DHRS7: variants seen among roughly 807,000 people sequenced by gnomAD.
DHRS7 encodes dehydrogenase/reductase 7.
DHRS7 carries 34 observed loss-of-function variants against 38.9 expected under a neutral mutation model. The ratio of observed to expected loss-of-function variants is 0.87; its 90% confidence interval spans 0.66 to 1.16. The LOEUF (loss-of-function observed/expected upper bound fraction) is 1.16, where lower values mean the gene tolerates loss of function less well. DHRS7 is among the 50% of genes most tolerant of loss of function. The probability of loss-of-function intolerance (pLI) is 0.00; values close to 1 mark genes in which losing one functional copy is unlikely to be tolerated. For missense variants in DHRS7, 421 were observed against 407.0 expected, an observed-to-expected ratio of 1.03 and a Z score of -0.30; for synonymous variants, 158 against 153.1, an observed-to-expected ratio of 1.03 and a Z score of -0.24.
chr14:60,159,315 A>T, intron 1 of DHRS7: 1 of 435,854 alleles, frequency 2.3e-6, no homozygotes. Context: ...TGACACAAAA[A>T]GCAAAAGAAA....
intron 1 of DHRS7, among the ~76,000 whole-genome samples, chr14:60,156,910 A>G (rs1375951849): frequency 6.6e-6 from 1 of 152,234 alleles, no homozygotes; most frequent in East Asian, 1.9e-4. Context: ...GTACTAAAGC[A>G]ATGACAAATG....
At chr14:60,165,927 C>T (rs1896861534), upstream of DHRS7, among the ~76,000 whole-genome samples, 1 of 152,200 alleles carries the variant, frequency 6.6e-6, no homozygotes. The surrounding 1 kb of genome is among the most constrained non-coding windows in gnomAD (Gnocchi z 4.6). Flanking sequence ...AGACTGAAGC[C>T]ATGTGCTGTG....
rs1369516750 is a variant in DHRS7, at chr14:60,148,438, A to G, written c.972+915T>C. Among the ~76,000 whole-genome samples the G allele has an allele frequency of 6.6e-6, 1 of 152,150 alleles. No individual in the cohort carries two copies. Among genetic ancestry groups the G allele is most frequent in the Non-Finnish European group, 1.5e-5 (1 of 68,018 alleles). Reference sequence around the variant, plus strand: ...CATTACATTTCCTGTACTGTCTATAAATTAAATTCTTTTGAGGGTCACAAT... The same window carrying G: ...CATTACATTTCCTGTACTGTCTATAGATTAAATTCTTTTGAGGGTCACAAT... On this transcript the variant is annotated intron_variant, in intron 6 of 6. Transcript: ENST00000557185. The surrounding 1 kb of genome is among the most constrained non-coding windows in gnomAD (Gnocchi z 4.8).
rs192545070 is a variant in DHRS7 at position 60,145,296 on chromosome 14, A to C, written c.973-283T>G. 2.3e-4 allele frequency: 58 copies of C among 248,944 alleles called. No individual in the cohort carries two copies. The East Asian group carries it at 4.6e-3, about 20-fold the overall frequency. 15.4% of individuals were successfully genotyped at this position (248,944 alleles called of 1,614,324 possible). Reference sequence around the variant, plus strand: ...TTCTCTATAATGACTTTTCTGGATCAGCATATCATACCTACACTGACTTGC... The same window carrying C: ...TTCTCTATAATGACTTTTCTGGATCCGCATATCATACCTACACTGACTTGC... On this transcript the variant is annotated intron_variant, in intron 6 of 6. Coordinates refer to ENST00000557185, the MANE Select transcript of DHRS7 (RefSeq NM_016029.4). This position sits in a 1 kb window ranked among gnomAD's most constrained non-coding sequence, Gnocchi z 4.0.
chr14:60,156,610 T>C (rs1393388778), intron 1 of DHRS7, among the ~76,000 whole-genome samples: 1 of 152,264 alleles, frequency 6.6e-6, no homozygotes, highest in Non-Finnish European at 1.5e-5. Context: ...TTTTTAATTC[T>C]ATTATTCTAA....
In DHRS7 at chr14:60,165,132, C is replaced by G; in HGVS notation, c.133+45G>C. 6.2e-7 allele frequency: 1 copy of G among 1,604,922 alleles called. No individual in the cohort carries two copies. Among genetic ancestry groups the G allele is most frequent in the Non-Finnish European group, 8.5e-7 (1 of 1,176,872 alleles). On this transcript the variant is annotated intron_variant, in intron 1 of 6. Coordinates refer to ENST00000557185, the MANE Select transcript of DHRS7 (RefSeq NM_016029.4). This position sits in a 1 kb window ranked among gnomAD's most constrained non-coding sequence, Gnocchi z 4.6. ...GAGACCCGGACACGCCTCGGCAGCT[C>G]CGAGCCCGGCCTCCCACTCGGGAGA...
intron 1 of DHRS7, among the ~76,000 whole-genome samples, chr14:60,164,165 A>T (rs1339384656): frequency 2.0e-5 from 3 of 148,732 alleles, no homozygotes; most frequent in Admixed American, 6.7e-5. Flanking sequence ...GGCACAAACC[A>T]CTGTATTACC....
intron 1 of DHRS7, among the ~76,000 whole-genome samples, chr14:60,157,584 G>A (rs1896683195): frequency 6.6e-6 from 1 of 152,128 alleles, no homozygotes; most frequent in Non-Finnish European, 1.5e-5. Context: ...TGTATGGAAA[G>A]GTATTATTAT....
In DHRS7 at chr14:60,162,939, C is replaced by T. The variant is rs961394485; in HGVS notation, c.133+2238G>A. 3.3e-5 allele frequency among the ~76,000 whole-genome samples: 5 copies of T among 152,178 alleles called. No individual in the cohort carries two copies. The highest frequency in any genetic ancestry group is 2.1e-4 in the South Asian group (1 of 4,824). Reference sequence around the variant, plus strand: ...AATCCCAACACTTTGGGAGGCAGAGCGGGGTGGATCACCTGAGGTCAGGGG... The same window carrying T: ...AATCCCAACACTTTGGGAGGCAGAGTGGGGTGGATCACCTGAGGTCAGGGG... On this transcript the variant is annotated intron_variant, in intron 1 of 6. Coordinates refer to ENST00000557185, the MANE Select transcript of DHRS7 (RefSeq NM_016029.4). The surrounding 1 kb of genome is among the most constrained non-coding windows in gnomAD (Gnocchi z 4.5).
rs424062 is a variant in DHRS7, at chr14:60,150,195, A to C, written c.634-8T>G. The C allele has an allele frequency of 1.6e-6, 2 of 1,268,084 alleles. No individual in the cohort carries two copies. Among genetic ancestry groups the C allele is most frequent in the Admixed American group, 3.2e-5 (1 of 31,274 alleles). The allele number at this position is 1,268,084 out of a possible 1,614,324, so 78.6% of individuals were successfully genotyped here. On this transcript the variant is annotated splice_region_variant and splice_polypyrimidine_tract_variant and intron_variant, in intron 4 of 6. Transcript: ENST00000557185. ...AAGGCCATTAAAAAAACCCTAACAG[A>C]CAAAAAAAAAAAAAAAGGAAAAAGG... is the stretch of plus-strand genomic sequence containing the variant.
intron 1 of DHRS7, among the ~76,000 whole-genome samples, chr14:60,158,711 G>A (rs1396504664): frequency 1.3e-5 from 2 of 152,164 alleles, no homozygotes; most frequent in Non-Finnish European, 2.9e-5. Context: ...ATTCTTAAGA[G>A]TTGAAAGGAA....
upstream of DHRS7, among the ~76,000 whole-genome samples, chr14:60,165,928 A>G (rs1264577189): frequency 6.6e-6 from 1 of 152,250 alleles, no homozygotes; most frequent in Non-Finnish European, 1.5e-5. This position sits in a 1 kb window ranked among gnomAD's most constrained non-coding sequence, Gnocchi z 4.6. Flanking sequence ...GACTGAAGCC[A>G]TGTGCTGTGT....
In DHRS7 at chr14:60,150,198, A is replaced by C. The variant is rs74332161; in HGVS notation, c.634-11T>G. 7 of 836,994 alleles carry C rather than the reference A, an allele frequency of 8.4e-6. No individual in the cohort carries two copies. Among genetic ancestry groups the C allele is most frequent in the Non-Finnish European group, 1.0e-5 (6 of 597,162 alleles). 51.8% of individuals were successfully genotyped at this position (836,994 alleles called of 1,614,324 possible). A position where few individuals can be genotyped will look rare whatever the true frequency, so the allele number is the denominator to read the frequency against. On this transcript the variant is annotated splice_polypyrimidine_tract_variant and intron_variant, in intron 4 of 6. Transcript: ENST00000557185. ...GCCATTAAAAAAACCCTAACAGACA[A>C]AAAAAAAAAAAAAGGAAAAAGGCAA... is the stretch of plus-strand genomic sequence containing the variant.
chr14:60,166,349 A>G (rs1399814279), upstream of DHRS7: 3 of 867,552 alleles, frequency 3.5e-6, no homozygotes, highest in Non-Finnish European at 2.8e-6. Context: ...CCAAATGGAG[A>G]AAGTTCTGGG....
chr14:60,169,524 G>T (rs1896907647), upstream of DHRS7, among the ~76,000 whole-genome samples: 1 of 152,136 alleles, frequency 6.6e-6, no homozygotes, highest in African/African-American at 2.4e-5. Flanking sequence ...CATATTTAAG[G>T]TATACAACTT....
At position 60,144,901 on chromosome 14, in the gene DHRS7, G is replaced by T. The variant is rs1195969270; in HGVS notation, c.*65C>A. 2 of 1,309,396 alleles carry T rather than the reference G, an allele frequency of 1.5e-6. No individual in the cohort carries two copies. The highest frequency in any genetic ancestry group is 4.6e-5 in the East Asian group (2 of 43,080). The allele number at this position is 1,309,396 out of a possible 1,614,324, so 81.1% of individuals were successfully genotyped here. On this transcript the variant is annotated 3_prime_UTR_variant, in exon 7 of 7. Transcript: ENST00000557185. ...AGTCTTTGATTATTCAGAAGCATAA[G>T]AAGATTGCTGTTTTCATGTTTTCCA...
In DHRS7 at chr14:60,153,702, C is replaced by CATAA. The variant is rs61442682; in HGVS notation, c.393+253_393+256dup. Reference sequence around the variant, plus strand: ...CAGAGCAAGACTTTGTCTCAAAATACATAAATAAATAAATAAAAGCAGCCG... The same window carrying CATAA: ...CAGAGCAAGACTTTGTCTCAAAATACATAAATAAATAAATAAATAAAAGCAGCCG... On this transcript the variant is annotated intron_variant, in intron 3 of 6. Transcript: ENST00000557185. This position sits in a 1 kb window ranked among gnomAD's most constrained non-coding sequence, Gnocchi z 4.4. 1.1e-4 allele frequency among the ~76,000 whole-genome samples: 16 copies of CATAA among 151,524 alleles called. No individual in the cohort carries two copies. Among genetic ancestry groups the CATAA allele is most frequent in the Middle Eastern group, 3.4e-3 (1 of 292 alleles).
chr14:60,160,259 G>T (rs772905641), intron 1 of DHRS7, among the ~76,000 whole-genome samples: 1 of 151,750 alleles, frequency 6.6e-6, no homozygotes, highest in Non-Finnish European at 1.5e-5. Context: ...CCTCTAGGAG[G>T]TGGGGTTTGC....
chr14:60,152,184 C>T (rs759945675), intron 4 of DHRS7, among the ~76,000 whole-genome samples: 5 of 152,224 alleles, frequency 3.3e-5, no homozygotes, highest in Non-Finnish European at 5.9e-5. Flanking sequence ...ACTTCAACAG[C>T]TTTAAATATA....
Sources: gnomAD v4.1 joint callset for allele counts (sites outside exome capture counted in the v4.1 genomes callset) on GRCh38, gnomAD v4.1.1 for gene constraint, Gnocchi (gnomAD v3.1) non-coding constraint, MANE v1.5 for transcripts, NCBI Gene and HGNC (gene_info 2026-07-23, HGNC 2026-07-21) for gene names.